The following SMIM31 variants were observed in gnomAD, a reference collection of about 807,000 sequenced individuals.
SMIM31 encodes human epithelial cell program regulator.
intron 2 of SMIM31, among the ~76,000 whole-genome samples, chr4:164,772,852 A>G (rs1409149247): frequency 6.6e-6 from 1 of 151,868 alleles, no homozygotes; most frequent in African/African-American, 2.4e-5. Context: ...TGCTGGGATT[A>G]CAGGCGTGAG....
intron 1 of SMIM31, among the ~76,000 whole-genome samples, chr4:164,769,330 T>C (rs924282577): frequency 3.3e-5 from 5 of 152,036 alleles, no homozygotes; most frequent in Non-Finnish European, 7.4e-5. Context: ...AAGACTAAGC[T>C]CTCATCTTGA....
chr4:164,796,736 T>C (rs1330322863), intron 2 of SMIM31, among the ~76,000 whole-genome samples: 3 of 152,178 alleles, frequency 2.0e-5, no homozygotes, highest in Non-Finnish European at 4.4e-5. Context: ...TTGTTGGCTG[T>C]AGCTTCAAAA....
intron 1 of SMIM31, among the ~76,000 whole-genome samples, chr4:164,756,532 A>G (rs1732563331): frequency 6.6e-6 from 1 of 151,868 alleles, no homozygotes; most frequent in Non-Finnish European, 1.5e-5. Flanking sequence ...AGATCACGTC[A>G]CTGCACTCGA....
At chr4:164,761,969 G>A (rs1732656392) in intron 1 of SMIM31, among the ~76,000 whole-genome samples, 1 of 147,638 alleles carries the variant, frequency 6.8e-6, no homozygotes, top group Non-Finnish European at 1.5e-5. Flanking sequence ...AAATAATCAG[G>A]TCTCTGATGC....
chr4:164,781,815 G>A (rs1238552183), intron 2 of SMIM31, among the ~76,000 whole-genome samples: 1 of 152,180 alleles, frequency 6.6e-6, no homozygotes, highest in Non-Finnish European at 1.5e-5. Context: ...TTGTGGAAAA[G>A]GCCAAACCGC....
chr4:164,794,859 T>C (rs1023790288), intron 2 of SMIM31, among the ~76,000 whole-genome samples: 1 of 151,606 alleles, frequency 6.6e-6, no homozygotes, highest in Non-Finnish European at 1.5e-5. Context: ...GAATATATCT[T>C]ATAGAGATAC....
chr4:164,775,332 C>CG lies in SMIM31; in HGVS notation c.112+4777_112+4778insG, dbSNP rs575479745. Among the ~76,000 whole-genome samples the CG allele has an allele frequency of 6.7e-4, 102 of 152,314 alleles. No individual in the cohort carries two copies. The East Asian group carries it at 0.019, about 28-fold the overall frequency. On this transcript the variant is annotated intron_variant, in intron 2 of 2. Coordinates refer to ENST00000507311, the MANE Select transcript of SMIM31 (RefSeq NM_001352885.1). Reference sequence around the variant, plus strand: ...GCCTGAAGCTGCAGACAAGAACAGACACAGACCTTTCAACTCCTTGTTCTT... The same window carrying CG: ...GCCTGAAGCTGCAGACAAGAACAGACGACAGACCTTTCAACTCCTTGTTCTT...
At chr4:164,780,848 G>A (rs548303316) in intron 2 of SMIM31, among the ~76,000 whole-genome samples, 120 of 152,106 alleles carry the variant, frequency 7.9e-4, no homozygotes, top group African/African-American at 2.7e-3. Context: ...GACTTGCTGT[G>A]TCACCCAGGC....
At chr4:164,757,627 T>A (rs766536333) in intron 1 of SMIM31, among the ~76,000 whole-genome samples, 4 of 152,128 alleles carry the variant, frequency 2.6e-5, no homozygotes, top group Non-Finnish European at 5.9e-5. Flanking sequence ...GTTCCTTTTT[T>A]TTTTCCTATA....
chr4:164,792,336 A>G (rs1345581886), intron 2 of SMIM31, among the ~76,000 whole-genome samples: 1 of 152,236 alleles, frequency 6.6e-6, no homozygotes, highest in Non-Finnish European at 1.5e-5. Context: ...AGTGTTCTGA[A>G]GTAATATAAT....
chr4:164,799,015 C>T (rs1733247999), intron 2 of SMIM31, among the ~76,000 whole-genome samples: 2 of 152,292 alleles, frequency 1.3e-5, no homozygotes, highest in Non-Finnish European at 2.9e-5. Flanking sequence ...TGAGGCCTCC[C>T]TGGAAGCTGA....
At chr4:164,783,834 T>C (rs1435910771) in intron 2 of SMIM31, among the ~76,000 whole-genome samples, 1 of 151,484 alleles carries the variant, frequency 6.6e-6, no homozygotes, top group African/African-American at 2.4e-5. Flanking sequence ...AAATAATTAA[T>C]TTTTTGCCTG....
At chr4:164,784,027 G>A (rs1006062766) in intron 2 of SMIM31, among the ~76,000 whole-genome samples, 3 of 152,148 alleles carry the variant, frequency 2.0e-5, no homozygotes, top group African/African-American at 7.2e-5. Context: ...TCCCTCACCA[G>A]AGCATAATAA....
intron 2 of SMIM31, among the ~76,000 whole-genome samples, chr4:164,794,024 A>G (rs1334792958): frequency 6.6e-6 from 1 of 152,208 alleles, no homozygotes; most frequent in Non-Finnish European, 1.5e-5. Flanking sequence ...TTATAAATAA[A>G]TGATATAAAC....
intron 2 of SMIM31, among the ~76,000 whole-genome samples, chr4:164,779,629 A>G (rs1189201675): frequency 1.3e-5 from 2 of 152,234 alleles, no homozygotes; most frequent in Non-Finnish European, 2.9e-5. Context: ...AGACATGGCC[A>G]TAAGTGAGAC....
rs1487642607 is a variant in SMIM31, at chr4:164,803,003, T to A, written c.*1809T>A. ...GTTCTCTCTGAAAAAATGAGCATTT[T>A]AAAAAATCTTTGCTGGGCTGACAAA... On this transcript the variant is annotated 3_prime_UTR_variant, in exon 3 of 3. Coordinates refer to ENST00000507311, the MANE Select transcript of SMIM31 (RefSeq NM_001352885.1). 6.6e-6 allele frequency: 1 copy of A among 152,204 alleles called. No individual in the cohort carries two copies. The highest frequency in any genetic ancestry group is 2.1e-4 in the South Asian group (1 of 4,834). The allele number at this position is 152,204 out of a possible 1,614,324, so 9.4% of individuals were successfully genotyped here.
chr4:164,770,265 T>C (rs1295103465), intron 1 of SMIM31, among the ~76,000 whole-genome samples, 154 bp from the exon 2 acceptor site: 1 of 152,254 alleles, frequency 6.6e-6, no homozygotes, highest in East Asian at 1.9e-4. Context: ...CACAGTCCAT[T>C]CTTGCCACTG....
At chr4:164,759,213 T>G (rs1732613540) in intron 1 of SMIM31, among the ~76,000 whole-genome samples, 1 of 152,174 alleles carries the variant, frequency 6.6e-6, no homozygotes, top group African/African-American at 2.4e-5. Context: ...ATATCAGAAC[T>G]AATCCAGGCC....
intron 2 of SMIM31, among the ~76,000 whole-genome samples, chr4:164,783,523 C>CA (rs1491481891): frequency 3.5e-4 from 29 of 82,278 alleles, no homozygotes; most frequent in Non-Finnish European, 5.1e-4. Context: ...GATTCTGTCT[C>CA]AAAAAAAGAA....
Sources: allele counts gnomAD v4.1 joint callset (sites outside exome capture counted in the v4.1 genomes callset), GRCh38; gene constraint gnomAD v4.1.1; transcripts MANE v1.5; gene names NCBI Gene and HGNC (gene_info 2026-07-23, HGNC 2026-07-21).